Variants in ZBTB25 observed in about 807,000 individuals in gnomAD.
ZBTB25 encodes the protein zinc finger and BTB domain containing 25, also known as zinc finger and BTB domain-containing protein 25.
In ZBTB25, 20 loss-of-function variants were observed where a neutral mutation model predicts 34.2. The observed-to-expected ratio is 0.58, with a 90% CI of 0.41 to 0.85. The LOEUF is 0.85. ZBTB25 is among the 40% of genes least tolerant of loss of function. ZBTB25 has a pLI of 0.00. For synonymous variants in ZBTB25, 175 were observed against 186.4 expected, an observed-to-expected ratio of 0.94 and a Z score of 0.50; for missense variants, 437 against 521.8, an observed-to-expected ratio of 0.84 and a Z score of 1.58.
chr14:64,487,841 GC>G lies in ZBTB25; in HGVS notation c.389del (p.Gly130AlafsTer84). 1 of 1,614,182 alleles carries G rather than the reference GC, an allele frequency of 6.2e-7. No individual in the cohort carries two copies. The highest frequency in any genetic ancestry group is 8.5e-7 in the Non-Finnish European group (1 of 1,180,038). ...TTTTTTGGGTTGTTGAGATCTGAAT[GC>G]CATATAAATTTGAGGACTGCACAGT... ...PETVQSSNLY[G>X]IQISTTQKTV... On this transcript the variant is annotated frameshift_variant, in exon 3 of 3. Coordinates refer to ENST00000608382, the MANE Select transcript of ZBTB25 (RefSeq NM_006977.5). LOFTEE classifies it high-confidence loss of function.
At chr14:64,498,424 C>T (rs1025459271) in intron 1 of ZBTB25, among the ~76,000 whole-genome samples, 1 of 150,132 alleles carries the variant, frequency 6.7e-6, no homozygotes, top group African/African-American at 2.5e-5. Flanking sequence ...GTGCTTCTCC[C>T]GGACTCAGCC....
At chr14:64,500,028 G>A (rs1294880883) in intron 1 of ZBTB25, among the ~76,000 whole-genome samples, 1 of 151,818 alleles carries the variant, frequency 6.6e-6, no homozygotes, top group African/African-American at 2.4e-5. Flanking sequence ...AAGCACACAA[G>A]AATACTAACA....
At chr14:64,461,264 TAC>T (rs2078551296) in intron 2 of ZBTB25, 1 of 152,128 alleles carries the variant, frequency 6.6e-6, no homozygotes, top group African/African-American at 2.4e-5. Flanking sequence ...AATGTTGTAA[TAC>T]AGTCAATTTT....
intron 2 of ZBTB25, among the ~76,000 whole-genome samples, chr14:64,464,936 T>C (rs1347297442): frequency 6.6e-6 from 1 of 152,222 alleles, no homozygotes; most frequent in African/African-American, 2.4e-5. Context: ...TTTGAAAGCC[T>C]GTTTGGCGAT....
intron 2 of ZBTB25, among the ~76,000 whole-genome samples, chr14:64,451,886 A>G (rs1367647078): frequency 6.6e-6 from 1 of 152,238 alleles, no homozygotes; most frequent in Non-Finnish European, 1.5e-5. Context: ...ATCTTTATAA[A>G]GTCCTTATTG....
chr14:64,456,641 G>A (rs528667247), intron 2 of ZBTB25, among the ~76,000 whole-genome samples: 4 of 152,150 alleles, frequency 2.6e-5, no homozygotes, highest in South Asian at 2.1e-4. Context: ...GTCATCTTCC[G>A]GTTTTTCTGC....
chr14:64,458,080 G>A (rs1486729658), intron 2 of ZBTB25: 3 of 765,304 alleles, frequency 3.9e-6, no homozygotes, highest in African/African-American at 3.4e-5. Context: ...TGTAGAGATG[G>A]GGGTCTCACT....
At chr14:64,459,766 T>C (rs1372784221) in intron 2 of ZBTB25, 6 of 1,533,054 alleles carry the variant, frequency 3.9e-6, no homozygotes, top group Non-Finnish European at 5.2e-6. Context: ...CAGATCACCA[T>C]CCATCTTCAA....
intron 1 of ZBTB25, chr14:64,503,357 G>C (rs2079562049): frequency 3.0e-6 from 3 of 985,172 alleles, no homozygotes; most frequent in Non-Finnish European, 3.6e-6. Context: ...GTCGCACCCG[G>C]ACCCGCGGCC....
At chr14:64,465,881 C>G (rs2078607810) in intron 2 of ZBTB25, among the ~76,000 whole-genome samples, 1 of 152,200 alleles carries the variant, frequency 6.6e-6, no homozygotes, top group Non-Finnish European at 1.5e-5. Context: ...CTTTATCCCT[C>G]TTTGAGAAAT....
rs1034878987 is a variant in ZBTB25, at chr14:64,482,880, C to T, written c.*4043G>A. 6.6e-6 allele frequency: 1 copy of T among 152,218 alleles called. No individual in the cohort carries two copies. Among genetic ancestry groups the T allele is most frequent in the Non-Finnish European group, 1.5e-5 (1 of 68,044 alleles). The allele number at this position is 152,218 out of a possible 1,614,324, so 9.4% of individuals were successfully genotyped here. ...ACGTTTAATATAAATCCTCACAACA[C>T]CCCTGTGAGGTAAGTATTGCTTACA... On this transcript the variant is annotated 3_prime_UTR_variant, in exon 3 of 3. Transcript: ENST00000608382.
chr14:64,502,055 T>A (rs745580859), intron 1 of ZBTB25, among the ~76,000 whole-genome samples: 1 of 152,232 alleles, frequency 6.6e-6, no homozygotes, highest in Non-Finnish European at 1.5e-5. Context: ...GCCCAGGTAA[T>A]GAGCCTGTTT....
chr14:64,474,469 GATT>G (rs1339736161), downstream of ZBTB25: 1 of 166,988 alleles, frequency 6.0e-6, no homozygotes, highest in Non-Finnish European at 1.5e-5. Flanking sequence ...TTTATGTACT[GATT>G]ATTAATACAG....
chr14:64,458,560 C>T, intron 2 of ZBTB25: 1 of 512,634 alleles, frequency 2.0e-6, no homozygotes, highest in East Asian at 3.7e-5. Context: ...GGGGAGAAAA[C>T]TGCTGTCCAA....
In ZBTB25 at chr14:64,481,497, C is replaced by T. The variant is rs2078793040; in HGVS notation, c.*5426G>A. On this transcript the variant is annotated 3_prime_UTR_variant, in exon 3 of 3. Coordinates refer to ENST00000608382, the MANE Select transcript of ZBTB25 (RefSeq NM_006977.5). ...TTTTCAGTGGGTCTTTTTTATTGAA[C>T]AAGTTTTTATAATCTAAGTTTATTT... The T allele has an allele frequency of 6.6e-6, 1 of 152,126 alleles. No individual in the cohort carries two copies. The highest frequency in any genetic ancestry group is 2.4e-5 in the African/African-American group (1 of 41,422). The allele number at this position is 152,126 out of a possible 1,614,324, so 9.4% of individuals were successfully genotyped here.
At chr14:64,454,672 C>G in intron 2 of ZBTB25, 1 of 1,509,324 alleles carries the variant, frequency 6.6e-7, no homozygotes, top group Non-Finnish European at 9.2e-7. Flanking sequence ...ATGGTCATTG[C>G]TGGGTTGTCA....
At position 64,503,716 on chromosome 14, in the gene ZBTB25, A is replaced by C; in HGVS notation, c.-63T>G. Reference sequence around the variant, plus strand: ...CTCCGTGCAGGAGGGGCGGGCTCCCAAGCCGCGCACTGCAAGCAGTGGCGC... The same window carrying C: ...CTCCGTGCAGGAGGGGCGGGCTCCCCAGCCGCGCACTGCAAGCAGTGGCGC... On this transcript the variant is annotated 5_prime_UTR_variant, in exon 1 of 3. Transcript: ENST00000608382. 3 of 644,416 alleles carry C rather than the reference A, an allele frequency of 4.7e-6. No individual in the cohort carries two copies. The highest frequency in any genetic ancestry group is 3.9e-6 in the Non-Finnish European group (2 of 518,510). 39.9% of individuals were successfully genotyped at this position (644,416 alleles called of 1,614,324 possible).
downstream of ZBTB25, chr14:64,474,051 G>C (rs1403780882): frequency 6.0e-6 from 1 of 167,008 alleles, no homozygotes; most frequent in Non-Finnish European, 1.5e-5. Context: ...AGGGAGACAG[G>C]CTCCCTGCCA....
chr14:64,488,718 GA>G (rs1265804984), intron 2 of ZBTB25, among the ~76,000 whole-genome samples: 1 of 151,936 alleles, frequency 6.6e-6, no homozygotes, highest in African/African-American at 2.4e-5. Context: ...CATAGAGATA[GA>G]AAGTAAATTA....
Sources: gnomAD v4.1 joint callset for allele counts (sites outside exome capture counted in the v4.1 genomes callset) on GRCh38, gnomAD v4.1.1 for gene constraint, MANE v1.5 for transcripts, NCBI Gene and HGNC (gene_info 2026-07-23, HGNC 2026-07-21) for gene names.